The following PTPRJ variants were observed in gnomAD, a reference collection of about 807,000 sequenced individuals.
PTPRJ encodes the protein protein tyrosine phosphatase receptor type J.
Under a neutral mutation model 141.3 loss-of-function variants are expected in PTPRJ, and 129 were observed. The ratio of observed to expected loss-of-function variants is 0.91; its 90% confidence interval spans 0.79 to 1.06. The LOEUF (loss-of-function observed/expected upper bound fraction) is 1.06. PTPRJ is among the 50% of genes least tolerant of loss of function. The pLI, the probability that PTPRJ is intolerant of heterozygous loss-of-function variation, is 0.00. For synonymous variants in PTPRJ, 610 were observed against 640.5 expected, an observed-to-expected ratio of 0.95 and a Z score of 0.72; for missense variants, 1,601 against 1,679.7, an observed-to-expected ratio of 0.95 and a Z score of 0.82.
At chr11:48,062,107 C>T (rs1854950287) in intron 1 of PTPRJ, among the ~76,000 whole-genome samples, 1 of 151,444 alleles carries the variant, frequency 6.6e-6, no homozygotes. Flanking sequence ...CTATGTTTCC[C>T]AGGCTGGTTT....
chr11:48,099,710 G>A (rs1163475148), intron 1 of PTPRJ, among the ~76,000 whole-genome samples: 2 of 152,116 alleles, frequency 1.3e-5, no homozygotes, highest in Admixed American at 1.3e-4. Context: ...GGCATTTCTG[G>A]CTTGAGAGTA....
At chr11:48,122,361 G>T (rs1448773006) in intron 4 of PTPRJ, among the ~76,000 whole-genome samples, 1 of 152,194 alleles carries the variant, frequency 6.6e-6, no homozygotes, top group Non-Finnish European at 1.5e-5. Context: ...ATGCGGAGGT[G>T]CAGGAAGCAC....
At chr11:48,164,049 G>C (rs374514968) in intron 23 of PTPRJ, among the ~76,000 whole-genome samples, 2 of 152,268 alleles carry the variant, frequency 1.3e-5, no homozygotes, top group African/African-American at 4.8e-5. Flanking sequence ...AGACAGGAGG[G>C]GCTCTGTTGC....
At chr11:48,126,368 G>A (rs548851857) in intron 6 of PTPRJ, among the ~76,000 whole-genome samples, 28 of 152,200 alleles carry the variant, frequency 1.8e-4, no homozygotes, top group Non-Finnish European at 3.5e-4. Flanking sequence ...AATCATTATA[G>A]TAGCCTTTCC....
chr11:48,143,493 GTC>G (rs966143412), intron 12 of PTPRJ, among the ~76,000 whole-genome samples: 1 of 151,844 alleles, frequency 6.6e-6, no homozygotes, highest in East Asian at 1.9e-4. Context: ...AACCAACTCT[GTC>G]TCTCTCTCTC....
chr11:48,071,195 A>G (rs1243471288), intron 1 of PTPRJ, among the ~76,000 whole-genome samples: 1 of 152,224 alleles, frequency 6.6e-6, no homozygotes, highest in Non-Finnish European at 1.5e-5. Context: ...TTCCGAACAG[A>G]TATAATAAGC....
intron 2 of PTPRJ, among the ~76,000 whole-genome samples, chr11:48,110,612 C>T (rs1289567409): frequency 1.3e-5 from 2 of 152,236 alleles, no homozygotes; most frequent in African/African-American, 4.8e-5. Flanking sequence ...TTTTTCTAGC[C>T]TCATCTGTGG....
intron 1 of PTPRJ, among the ~76,000 whole-genome samples, chr11:47,995,426 G>A (rs1854309172): frequency 6.6e-6 from 1 of 152,214 alleles, no homozygotes; most frequent in South Asian, 2.1e-4. Context: ...TCTGAGTCCA[G>A]GAAGGACAGC....
chr11:48,122,362 C>T (rs1856727219), intron 4 of PTPRJ, among the ~76,000 whole-genome samples: 1 of 152,146 alleles, frequency 6.6e-6, no homozygotes, highest in South Asian at 2.1e-4. Context: ...TGCGGAGGTG[C>T]AGGAAGCACC....
At chr11:48,070,898 C>G (rs1855229045) in intron 1 of PTPRJ, among the ~76,000 whole-genome samples, 1 of 152,146 alleles carries the variant, frequency 6.6e-6, no homozygotes, top group Admixed American at 6.5e-5. Context: ...GTTTGGAGGA[C>G]AGAACTATTT....
At chr11:48,068,834 A>G (rs1002551318) in intron 1 of PTPRJ, among the ~76,000 whole-genome samples, 21 of 152,164 alleles carry the variant, frequency 1.4e-4, no homozygotes, top group African/African-American at 4.6e-4. Context: ...TGTGAAATGT[A>G]GATCAAGTAA....
chr11:48,145,590 G>A (rs1407075421), intron 14 of PTPRJ, among the ~76,000 whole-genome samples: 1 of 91,042 alleles, frequency 1.1e-5, no homozygotes, highest in Non-Finnish European at 2.1e-5. Flanking sequence ...ACAGAGTCTT[G>A]CTCTGTCACC....
chr11:48,093,367 G>T (rs1386338539), intron 1 of PTPRJ, among the ~76,000 whole-genome samples: 1 of 152,188 alleles, frequency 6.6e-6, no homozygotes, highest in South Asian at 2.1e-4. Flanking sequence ...TACATGTTTG[G>T]TTCAATTTTT....
At chr11:48,146,803 A>G in intron 14 of PTPRJ, 73 bp from the exon 15 acceptor site, 1 of 1,210,874 alleles carries the variant, frequency 8.3e-7, no homozygotes, top group Non-Finnish European at 1.2e-6. Context: ...TTAGGGTCCC[A>G]GGCCAGTTTT....
intron 8 of PTPRJ, among the ~76,000 whole-genome samples, chr11:48,133,848 A>C: frequency 6.6e-6 from 1 of 152,346 alleles, no homozygotes; most frequent in South Asian, 2.1e-4. Context: ...GTGAAGCCAG[A>C]CACAGAAGGA....
At chr11:48,128,775 T>G (rs1287882197) in intron 7 of PTPRJ, among the ~76,000 whole-genome samples, 1 of 152,120 alleles carries the variant, frequency 6.6e-6, no homozygotes, top group East Asian at 1.9e-4. Context: ...ACAGAGCTAG[T>G]GAGTAGCAGA....
chr11:48,126,102 G>A (rs1288407323), intron 6 of PTPRJ, among the ~76,000 whole-genome samples: 1 of 152,116 alleles, frequency 6.6e-6, no homozygotes, highest in Non-Finnish European at 1.5e-5. Context: ...GTAAGCTTGC[G>A]TGAGAGAGTG....
At chr11:48,079,695 T>A (rs1297256343) in intron 1 of PTPRJ, among the ~76,000 whole-genome samples, 2 of 152,042 alleles carry the variant, frequency 1.3e-5, no homozygotes, top group East Asian at 3.9e-4. Flanking sequence ...CTCAAGGGTG[T>A]GTTTGCGTCT....
chr11:48,068,937 A>T (rs1446286521), intron 1 of PTPRJ, among the ~76,000 whole-genome samples: 1 of 152,150 alleles, frequency 6.6e-6, no homozygotes, highest in Non-Finnish European at 1.5e-5. Context: ...ATGTCTGCTG[A>T]TACTCTTATT....
Sources: gnomAD v4.1 joint callset for allele counts (sites outside exome capture counted in the v4.1 genomes callset) on GRCh38, gnomAD v4.1.1 for gene constraint, MANE v1.5 for transcripts, NCBI Gene and HGNC (gene_info 2026-07-23, HGNC 2026-07-21) for gene names.